Variants in FGD4 observed in about 807,000 individuals in gnomAD.
FGD4 encodes FYVE, RhoGEF and PH domain-containing protein 4.
In FGD4, 42 loss-of-function variants were observed where a neutral mutation model predicts 102.0. The ratio of observed to expected loss-of-function variants is 0.41; its 90% CI spans 0.32 to 0.53. The LOEUF (loss-of-function observed/expected upper bound fraction) is 0.53, where lower values mean the gene tolerates loss of function less well. FGD4 is among the 20% of genes least tolerant of loss of function. FGD4 has a pLI of 0.21. For missense variants in FGD4, 902 were observed against 1,078.2 expected, an observed-to-expected ratio of 0.84 and a Z score of 2.29; for synonymous variants, 380 against 375.7, an observed-to-expected ratio of 1.01 and a Z score of -0.13.
rs117203753 is a variant in FGD4, at chr12:32,618,391, C to G, written c.1750-1307C>G. Among the ~76,000 whole-genome samples, 1,232 of 152,258 alleles carry G rather than the reference C, an allele frequency of 8.1e-3. 18 individuals are homozygous for G. The highest frequency in any genetic ancestry group is 0.012 in the Non-Finnish European group (797 of 68,016). On this transcript the variant is annotated intron_variant, in intron 10 of 16. Transcript: ENST00000534526. ...GGGAAAGAAGTGTTAACAGGAAAAA[C>G]TTAGCAAGCAAGCTGTGGCCTTAAT...
intron 1 of FGD4, among the ~76,000 whole-genome samples, chr12:32,480,989 T>C (rs1194736350): frequency 6.6e-6 from 1 of 151,060 alleles, no homozygotes; most frequent in South Asian, 2.1e-4. Context: ...TAATTGTGTG[T>C]GTATGCATGC....
At chr12:32,457,189 T>C (rs1035127224) in intron 1 of FGD4, among the ~76,000 whole-genome samples, 1 of 151,782 alleles carries the variant, frequency 6.6e-6, no homozygotes, top group African/African-American at 2.4e-5. Flanking sequence ...AAATACATAA[T>C]TTCTACCAAG....
intron 3 of FGD4, among the ~76,000 whole-genome samples, chr12:32,577,100 AATATT>A (rs1177947131): frequency 2.0e-5 from 3 of 152,154 alleles, no homozygotes; most frequent in East Asian, 1.9e-4. Flanking sequence ...AGGTAGGTGA[AATATT>A]ATATTTCTCA....
At chr12:32,614,675 C>T (rs1011191355) in intron 10 of FGD4, among the ~76,000 whole-genome samples, 1 of 152,310 alleles carries the variant, frequency 6.6e-6, no homozygotes, top group African/African-American at 2.4e-5. Context: ...ACCTTACAGT[C>T]CTCTGACTTC....
rs1951220961 is a variant in FGD4 at position 32,642,749 on chromosome 12, C to T, written c.*2216C>T. 6.6e-6 allele frequency: 1 copy of T among 152,162 alleles called. No homozygotes were observed. Among genetic ancestry groups the T allele is most frequent in the African/African-American group, 2.4e-5 (1 of 41,436 alleles). The allele number at this position is 152,162 out of a possible 1,614,324, so 9.4% of individuals were successfully genotyped here. The stretch of plus-strand genomic sequence containing the variant: ...CGGTCACCATATTCACTTTCCACCC[C>T]ACATTCTTCAGCTAAACGCAAAGAG... On this transcript the variant is annotated 3_prime_UTR_variant, in exon 17 of 17. Transcript: ENST00000534526.
chr12:32,610,463 A>G (rs971341731), intron 8 of FGD4, among the ~76,000 whole-genome samples: 5 of 152,230 alleles, frequency 3.3e-5, no homozygotes, highest in Admixed American at 3.3e-4. Flanking sequence ...GGCTGGGGCC[A>G]CAGCTCAAGA....
intron 1 of FGD4, among the ~76,000 whole-genome samples, chr12:32,459,549 T>G (rs1222354556): frequency 1.3e-5 from 2 of 152,136 alleles, no homozygotes; most frequent in Admixed American, 1.3e-4. Context: ...CAAAGATGCT[T>G]CTGCATTTGG....
At chr12:32,452,314 A>G (rs1037677777) in intron 1 of FGD4, among the ~76,000 whole-genome samples, 2 of 152,252 alleles carry the variant, frequency 1.3e-5, no homozygotes, top group Non-Finnish European at 2.9e-5. Context: ...GACAGAATTC[A>G]GATATCATCT....
intron 1 of FGD4, among the ~76,000 whole-genome samples, chr12:32,444,963 A>G (rs1942569549): frequency 6.6e-6 from 1 of 152,228 alleles, no homozygotes; most frequent in East Asian, 1.9e-4. Flanking sequence ...ATCATTTACC[A>G]ACATTTAGCA....
intron 7 of FGD4, among the ~76,000 whole-genome samples, chr12:32,606,621 TG>T (rs1565899083): frequency 6.6e-6 from 1 of 152,210 alleles, no homozygotes; most frequent in Non-Finnish European, 1.5e-5. Flanking sequence ...TTGCATTAAA[TG>T]TTCCCTTCTC....
intron 1 of FGD4, among the ~76,000 whole-genome samples, chr12:32,436,152 TA>T (rs1195957071): frequency 2.6e-5 from 4 of 152,184 alleles, no homozygotes; most frequent in African/African-American, 9.7e-5. Context: ...CCTATTAGAA[TA>T]AATAAATTAT....
intron 1 of FGD4, among the ~76,000 whole-genome samples, chr12:32,449,671 G>A (rs1284520051): frequency 6.6e-6 from 1 of 152,132 alleles, no homozygotes; most frequent in African/African-American, 2.4e-5. Flanking sequence ...CTTCTCCAGT[G>A]TGAAATTTCT....
chr12:32,460,513 A>AG (rs1470324231), intron 1 of FGD4, among the ~76,000 whole-genome samples: 6 of 152,092 alleles, frequency 3.9e-5, no homozygotes, highest in Admixed American at 6.5e-5. Flanking sequence ...AAAAAAAAAA[A>AG]AAGAAGAAGA....
At chr12:32,598,713 C>G (rs1290753316) in intron 5 of FGD4, 127 bp downstream of exon 5, 2 of 741,656 alleles carry the variant, frequency 2.7e-6, no homozygotes, top group Non-Finnish European at 4.7e-6. Context: ...GGTACTTGCT[C>G]AAGGAAATCT....
chr12:32,488,046 A>G (rs757289048), intron 1 of FGD4, among the ~76,000 whole-genome samples: 7 of 152,228 alleles, frequency 4.6e-5, no homozygotes, highest in Non-Finnish European at 7.3e-5. Context: ...CATAGGAGAT[A>G]AATCAAGCAT....
In FGD4 at chr12:32,585,222, T is replaced by TTATATATATATATA. The variant is rs140227421; in HGVS notation, c.1011+2777_1011+2790dup. On this transcript the variant is annotated intron_variant, in intron 4 of 16. Coordinates refer to ENST00000534526, the MANE Select transcript of FGD4 (RefSeq NM_001370298.3). Reference sequence around the variant, plus strand: ...AGAGTGAGACCCTGTCTCAAAAATTTTATATATATATATATATATATATAT... The same window carrying TTATATATATATATA: ...AGAGTGAGACCCTGTCTCAAAAATTTTATATATATATATATATATATATATATATATATATATAT... Among the ~76,000 whole-genome samples, 828 of 115,912 alleles carry TTATATATATATATA rather than the reference T, an allele frequency of 7.1e-3. 9 individuals are homozygous for TTATATATATATATA. Among genetic ancestry groups the TTATATATATATATA allele is most frequent in the Middle Eastern group, 0.017 (4 of 236 alleles). 76.0% of individuals were successfully genotyped at this position (115,912 alleles called of 152,430 possible).
At chr12:32,534,234 T>C (rs1217275477) in intron 1 of FGD4, 8 of 1,166,738 alleles carry the variant, frequency 6.9e-6, no homozygotes, top group Non-Finnish European at 8.8e-6. Context: ...TCATGCAATG[T>C]ACTGCAGCAG....
intron 10 of FGD4, among the ~76,000 whole-genome samples, chr12:32,617,956 A>G (rs892196021): frequency 5.9e-5 from 9 of 152,236 alleles, no homozygotes; most frequent in African/African-American, 1.9e-4. Flanking sequence ...TTTAAGATTC[A>G]TATAGGATTT....
chr12:32,499,872 G>T (rs1938058816), intron 1 of FGD4, among the ~76,000 whole-genome samples: 1 of 152,206 alleles, frequency 6.6e-6, no homozygotes, highest in African/African-American at 2.4e-5. Context: ...AAAAAAATTA[G>T]CTGGGTGTGG....
Sources: allele counts gnomAD v4.1 joint callset (sites outside exome capture counted in the v4.1 genomes callset), GRCh38; gene constraint gnomAD v4.1.1; transcripts MANE v1.5; gene names NCBI Gene and HGNC (gene_info 2026-07-23, HGNC 2026-07-21).